SEMA3A: variants seen among roughly 807,000 people sequenced by gnomAD.
The protein encoded by SEMA3A is semaphorin 3A.
A neutral mutation model predicts 97.9 loss-of-function variants in SEMA3A; 29 were observed. The ratio of observed to expected loss-of-function variants is 0.30; its 90% CI spans 0.22 to 0.40. SEMA3A has a LOEUF of 0.40. Ranked by LOEUF, SEMA3A falls within the 10% of genes least tolerant of loss-of-function variation. SEMA3A has a pLI of 1.00. For synonymous variants in SEMA3A, 321 were observed against 323.7 expected (o/e 0.99, Z 0.09); for missense variants, 763 against 951.3 (o/e 0.80, Z 2.60).
At chr7:83,991,637 T>C (rs1789943059) in intron 12 of SEMA3A, among the ~76,000 whole-genome samples, 1 of 152,004 alleles carries the variant, frequency 6.6e-6, no homozygotes, top group Non-Finnish European at 1.5e-5. Flanking sequence ...GATTTGCATA[T>C]ATTGAACCAG....
At chr7:84,211,279 A>T (rs548063201) in intron 3 of SEMA3A, among the ~76,000 whole-genome samples, 1 of 152,214 alleles carries the variant, frequency 6.6e-6, no homozygotes, top group East Asian at 1.9e-4. Context: ...GCCTTGGTGA[A>T]AGGTTGCGTA....
chr7:84,125,890 T>C (rs368178738), intron 3 of SEMA3A, among the ~76,000 whole-genome samples: 5 of 152,202 alleles, frequency 3.3e-5, no homozygotes, highest in African/African-American at 7.2e-5. Context: ...TGAAATCAAA[T>C]AAAGCTTCAG....
intron 1 of SEMA3A, among the ~76,000 whole-genome samples, chr7:84,401,934 G>C (rs1156474687): frequency 6.6e-6 from 1 of 152,154 alleles, no homozygotes; most frequent in Non-Finnish European, 1.5e-5. Flanking sequence ...TCAGGATGCT[G>C]TTCTGGGCAA....
At chr7:84,043,261 C>T (rs144588426) in intron 6 of SEMA3A, among the ~76,000 whole-genome samples, 2 of 152,028 alleles carry the variant, frequency 1.3e-5, no homozygotes, top group African/African-American at 4.8e-5. Flanking sequence ...AATTTTCCTG[C>T]TAAAACTGAA....
At chr7:84,440,681 C>T (rs895279437) in intron 1 of SEMA3A, among the ~76,000 whole-genome samples, 1 of 151,988 alleles carries the variant, frequency 6.6e-6, no homozygotes, top group Non-Finnish European at 1.5e-5. Context: ...AAGTTTATAC[C>T]TCAGTTTGGT....
At chr7:84,160,616 T>C (rs562710758) in intron 1 of SEMA3A, among the ~76,000 whole-genome samples, 1 of 152,010 alleles carries the variant, frequency 6.6e-6, no homozygotes, top group South Asian at 2.1e-4. Flanking sequence ...CGGTGGCTCA[T>C]GCCTGTAATC....
At chr7:84,358,297 T>C (rs1802622366) in intron 2 of SEMA3A, among the ~76,000 whole-genome samples, 1 of 152,212 alleles carries the variant, frequency 6.6e-6, no homozygotes, top group South Asian at 2.1e-4. Flanking sequence ...TTAATCCATC[T>C]TGAATTAATT....
intron 3 of SEMA3A, among the ~76,000 whole-genome samples, chr7:84,281,049 T>C (rs1173192757): frequency 1.3e-5 from 2 of 152,192 alleles, no homozygotes; most frequent in Non-Finnish European, 2.9e-5. Flanking sequence ...ATATGGATTA[T>C]GTATAATTTC....
At chr7:83,992,777 G>A (rs942060392) in intron 12 of SEMA3A, among the ~76,000 whole-genome samples, 21 of 152,186 alleles carry the variant, frequency 1.4e-4, no homozygotes, top group African/African-American at 4.8e-5. Flanking sequence ...GTGTGGTGCC[G>A]AAAAAGTGTA....
At chr7:84,009,725 G>A (rs944831409) in intron 9 of SEMA3A, among the ~76,000 whole-genome samples, 1 of 151,882 alleles carries the variant, frequency 6.6e-6, no homozygotes, top group Non-Finnish European at 1.5e-5. Flanking sequence ...GAGACTTAGG[G>A]AGGATGAGAA....
chr7:84,048,486 A>G lies in SEMA3A; in HGVS notation c.548-2043T>C, dbSNP rs73376902. ...TGATGTATTTTTAAACATCAGGTGA[A>G]GAGTTTGTTATTGGTCTGAGTGAAT... On this transcript the variant is annotated intron_variant, in intron 5 of 16. Coordinates refer to ENST00000265362, the MANE Select transcript of SEMA3A (RefSeq NM_006080.3). Among the ~76,000 whole-genome samples the G allele has an allele frequency of 3.4e-3, 520 of 152,066 alleles. 1 individual carries two copies. The highest frequency in any genetic ancestry group is 0.012 in the African/African-American group (480 of 41,546).
chr7:83,964,280 A>T (rs1788586344), intron 15 of SEMA3A, among the ~76,000 whole-genome samples: 1 of 152,110 alleles, frequency 6.6e-6, no homozygotes, highest in African/African-American at 2.4e-5. Flanking sequence ...ACAATCTGAA[A>T]CTCATTAAAT....
chr7:84,162,145 AT>A (rs1797055599), intron 1 of SEMA3A, among the ~76,000 whole-genome samples: 1 of 152,174 alleles, frequency 6.6e-6, no homozygotes, highest in African/African-American at 2.4e-5. Flanking sequence ...TTGATAATTT[AT>A]TTTTATATCA....
At chr7:84,135,092 T>C (rs1796083875) in intron 1 of SEMA3A, 141 bp from the exon 2 acceptor site, 1 of 559,786 alleles carries the variant, frequency 1.8e-6, no homozygotes, top group Admixed American at 3.8e-5. Context: ...AGAAATATAT[T>C]GGAACCAAAA....
chr7:84,090,436 TG>T (rs148919074), intron 4 of SEMA3A, among the ~76,000 whole-genome samples: 12,053 of 152,178 alleles, frequency 0.079, 889 homozygotes, highest in African/African-American at 0.19. Context: ...TGTCTAAAAC[TG>T]TGCAAGAATA....
At chr7:84,354,988 G>C (rs930119168) in intron 2 of SEMA3A, among the ~76,000 whole-genome samples, 4 of 151,634 alleles carry the variant, frequency 2.6e-5, no homozygotes, top group Admixed American at 2.0e-4. Context: ...CTTCAGAATG[G>C]AATACAGCAT....
chr7:84,127,734 C>T (rs1795843961), intron 3 of SEMA3A, among the ~76,000 whole-genome samples: 1 of 152,148 alleles, frequency 6.6e-6, no homozygotes, highest in Admixed American at 6.6e-5. Flanking sequence ...CAGATTCCAA[C>T]TCTAAATCCT....
intron 1 of SEMA3A, among the ~76,000 whole-genome samples, chr7:84,435,707 A>G (rs1333480898): frequency 6.6e-6 from 1 of 152,222 alleles, no homozygotes; most frequent in Non-Finnish European, 1.5e-5. Context: ...TTCCATGCTC[A>G]TAGACTGGAA....
intron 4 of SEMA3A, among the ~76,000 whole-genome samples, chr7:84,089,106 T>C (rs1382303795): frequency 2.6e-5 from 4 of 151,944 alleles, no homozygotes; most frequent in African/African-American, 7.2e-5. Flanking sequence ...GGTGAAAACG[T>C]ATATGTAAAC....
Sources: gnomAD v4.1 joint callset for allele counts (sites outside exome capture counted in the v4.1 genomes callset) on GRCh38, gnomAD v4.1.1 for gene constraint, MANE v1.5 for transcripts, NCBI Gene and HGNC (gene_info 2026-07-23, HGNC 2026-07-21) for gene names.